The following PTPRN2 variants were observed in gnomAD, a reference collection of about 807,000 sequenced individuals.
PTPRN2 encodes receptor-type tyrosine-protein phosphatase N2.
In PTPRN2, 74 loss-of-function variants were observed where a neutral mutation model predicts 118.8. The observed-to-expected ratio is 0.62, with a 90% CI of 0.52 to 0.76. The LOEUF (loss-of-function observed/expected upper bound fraction) is 0.76, where lower values mean the gene tolerates loss of function less well. Ranked by LOEUF, PTPRN2 falls within the 30% of genes least tolerant of loss-of-function variation. The pLI, the probability that PTPRN2 is intolerant of heterozygous loss-of-function variation, is 0.00. For synonymous variants in PTPRN2, 641 were observed against 608.0 expected (o/e 1.05, Z -0.80); for missense variants, 1,481 against 1,394.4 (o/e 1.06, Z -0.99).
chr7:158,524,363 A>G (rs10551720), intron 1 of PTPRN2, among the ~76,000 whole-genome samples: 157 of 21,356 alleles, frequency 7.4e-3, no homozygotes, highest in Middle Eastern at 0.062. Flanking sequence ...GAGTGGAGTC[A>G]TCTGCCCTGG....
chr7:157,747,536 G>A (rs1264526815), intron 12 of PTPRN2, among the ~76,000 whole-genome samples: 8 of 113,260 alleles, frequency 7.1e-5, no homozygotes, highest in African/African-American at 2.6e-4. Context: ...TGAGGCCTGC[G>A]TCCCTGAGCT....
intron 2 of PTPRN2, among the ~76,000 whole-genome samples, chr7:158,486,913 A>G (rs1821071438): frequency 6.6e-6 from 1 of 152,152 alleles, no homozygotes; most frequent in Non-Finnish European, 1.5e-5. Context: ...CTGAAACTCC[A>G]CCAATTAAAC....
chr7:158,313,662 C>T (rs1287599310), intron 3 of PTPRN2, among the ~76,000 whole-genome samples: 1 of 152,236 alleles, frequency 6.6e-6, no homozygotes, highest in African/African-American at 2.4e-5. Context: ...TAAAGATGCT[C>T]TTATCCTCAA....
Position 158,529,627 on chromosome 7 carries a change from G to A in PTPRN2, c.113-39842C>T, listed in dbSNP as rs1444366013. On this transcript the variant is annotated intron_variant, in intron 1 of 22. Transcript: ENST00000389418. This position sits in a 1 kb window ranked among gnomAD's most constrained non-coding sequence, Gnocchi z 4.7. ...GTGTGAGTCTGGGCTCCAATCAGCA[G>A]CGAAGATGCAGTGTGGGAATGACAG... 6.6e-6 allele frequency among the ~76,000 whole-genome samples: 1 copy of A among 152,230 alleles called. No individual in the cohort carries two copies. The highest frequency in any genetic ancestry group is 2.4e-5 in the African/African-American group (1 of 41,460).
At chr7:158,134,110 T>A (rs1818612514) in intron 8 of PTPRN2, 51 bp from the exon 9 acceptor site, 2 of 1,567,434 alleles carry the variant, frequency 1.3e-6, no homozygotes, top group East Asian at 4.5e-5. Flanking sequence ...AATGCTGATG[T>A]GACACATGCA....
chr7:157,757,214 A>G (rs970078894), intron 12 of PTPRN2, among the ~76,000 whole-genome samples: 1 of 150,114 alleles, frequency 6.7e-6, no homozygotes, highest in Admixed American at 6.6e-5. Context: ...CGAGGAACCC[A>G]CAGCAGAATT....
Position 158,531,763 on chromosome 7 carries a change from G to A in PTPRN2, c.113-41978C>T, listed in dbSNP as rs957090226. On this transcript the variant is annotated intron_variant, in intron 1 of 22. Transcript: ENST00000389418. ...ACAACCTCCAAACACCAGGCTCGACGCCCTCACCCACCACCTGCCCTCTGC... is the reference window on the plus strand; with the variant it reads ...ACAACCTCCAAACACCAGGCTCGACACCCTCACCCACCACCTGCCCTCTGC... 2.6e-5 allele frequency among the ~76,000 whole-genome samples: 4 copies of A among 152,114 alleles called. No individual in the cohort carries two copies. In the East Asian group the frequency reaches 5.8e-4, roughly 22 times the overall value.
chr7:157,738,912 G>C (rs1025443406), intron 12 of PTPRN2: 4 of 152,224 alleles, frequency 2.6e-5, no homozygotes, highest in Non-Finnish European at 5.9e-5. Flanking sequence ...AGATGGAAAA[G>C]AGTCAGGAGA....
chr7:158,082,212 G>A (rs1390311980), intron 10 of PTPRN2, among the ~76,000 whole-genome samples: 2 of 152,176 alleles, frequency 1.3e-5, no homozygotes, highest in African/African-American at 4.8e-5. Context: ...GTCCCTGGGA[G>A]GTGCCTGCAC....
rs73745164 is a variant in PTPRN2 at position 158,159,138 on chromosome 7, T to C, written c.910+7793A>G. On this transcript the variant is annotated intron_variant, in intron 6 of 22. Transcript: ENST00000389418. ...ATTGGCCAGGACTTTGCAAGTGCTT[T>C]CTGAATGAATGAGTGAACTTGGGAG... Among the ~76,000 whole-genome samples, 44 of 53,040 alleles carry C rather than the reference T, an allele frequency of 8.3e-4. 6 individuals are homozygous for C. The highest frequency in any genetic ancestry group is 3.9e-3 in the African/African-American group (23 of 5,844). 34.8% of individuals were successfully genotyped at this position (53,040 alleles called of 152,430 possible).
rs569441640 is a variant in PTPRN2, at chr7:158,165,657, G to A, written c.910+1274C>T. ...GGAGCAGAGAGTGCTCACATAACGC[G>A]ATGCTCAGGCAATGTTTGTGAAATT... On this transcript the variant is annotated intron_variant, in intron 6 of 22. Coordinates refer to ENST00000389418, the MANE Select transcript of PTPRN2 (RefSeq NM_002847.5). Among the ~76,000 whole-genome samples the A allele has an allele frequency of 5.3e-5, 8 of 152,362 alleles. No individual in the cohort carries two copies. The South Asian group carries it at 1.0e-3, about 20-fold the overall frequency.
chr7:158,441,352 G>T (rs1483460219), intron 2 of PTPRN2, among the ~76,000 whole-genome samples: 1 of 147,536 alleles, frequency 6.8e-6, no homozygotes, highest in Admixed American at 6.7e-5. Flanking sequence ...AGTGATGGTG[G>T]TGATGGTGAT....
chr7:157,725,399 CTA>C (rs1478985044), intron 12 of PTPRN2, among the ~76,000 whole-genome samples: 11 of 83,454 alleles, frequency 1.3e-4, no homozygotes, highest in African/African-American at 2.8e-4. Context: ...AACTGGATAT[CTA>C]CACACAGAGG....
intron 12 of PTPRN2, among the ~76,000 whole-genome samples, chr7:157,761,114 G>C (rs1802098376): frequency 1.3e-5 from 2 of 151,120 alleles, no homozygotes; most frequent in Non-Finnish European, 3.0e-5. Context: ...CAAACAAATG[G>C]AAGAACATTC....
At chr7:158,558,158 C>G (rs559626380) in intron 1 of PTPRN2, among the ~76,000 whole-genome samples, 19 of 152,088 alleles carry the variant, frequency 1.2e-4, no homozygotes, top group African/African-American at 3.9e-4. Context: ...CTAAATTTTT[C>G]ATTGTTCTGG....
At position 158,138,987 on chromosome 7, in the gene PTPRN2, A is replaced by G. The variant is rs73745139; in HGVS notation, c.911-472T>C. 1.8e-4 allele frequency among the ~76,000 whole-genome samples: 26 copies of G among 140,634 alleles called. No homozygotes were observed. The South Asian group carries it at 3.6e-3, about 19-fold the overall frequency. The allele number at this position is 140,634 out of a possible 152,430, so 92.3% of individuals were successfully genotyped here. A position where few individuals can be genotyped will look rare whatever the true frequency, so the allele number is the denominator to read the frequency against. ...ACACCCTGCCCAGCACACCCTGCCC[A>G]GCACACCCTGCCCAGCATGGACCAA... is the stretch of plus-strand genomic sequence containing the variant. On this transcript the variant is annotated intron_variant, in intron 6 of 22. Coordinates refer to ENST00000389418, the MANE Select transcript of PTPRN2 (RefSeq NM_002847.5).
chr7:158,309,880 T>C (rs1801567851), intron 3 of PTPRN2, among the ~76,000 whole-genome samples: 1 of 152,024 alleles, frequency 6.6e-6, no homozygotes, highest in South Asian at 2.1e-4. Flanking sequence ...AGGTGAAGGC[T>C]TTGGGGGTAA....
intron 21 of PTPRN2, among the ~76,000 whole-genome samples, chr7:157,558,645 C>T (rs529983775): frequency 1.3e-5 from 2 of 152,346 alleles, no homozygotes; most frequent in East Asian, 1.9e-4. Context: ...ACTGGTCCAG[C>T]GGGGATGCGT....
At chr7:158,083,869 C>T (rs529114808) in intron 10 of PTPRN2, among the ~76,000 whole-genome samples, 2 of 151,170 alleles carry the variant, frequency 1.3e-5, no homozygotes, top group South Asian at 2.1e-4. Flanking sequence ...GAGGAGCTGT[C>T]TCCGGAGGAG....
Sources: gnomAD v4.1 joint callset for allele counts (sites outside exome capture counted in the v4.1 genomes callset) on GRCh38, gnomAD v4.1.1 for gene constraint, Gnocchi (gnomAD v3.1) non-coding constraint, MANE v1.5 for transcripts, NCBI Gene and HGNC (gene_info 2026-07-23, HGNC 2026-07-21) for gene names.